The following FAM3C variants were observed in gnomAD, a reference collection of about 807,000 sequenced individuals.
The protein encoded by FAM3C is protein FAM3C.
FAM3C carries 15 observed loss-of-function variants against 32.5 expected under a neutral mutation model. That is an observed-to-expected ratio of 0.46 (90% CI 0.31 to 0.71). The LOEUF is 0.71. FAM3C is among the 30% of genes least tolerant of loss of function. The pLI is 0.05. For missense variants in FAM3C, 175 were observed against 274.4 expected (o/e 0.64, Z 2.56); for synonymous variants, 75 against 86.1 (o/e 0.87, Z 0.72).
chr7:121,365,407 T>A (rs1794005178), intron 5 of FAM3C, among the ~76,000 whole-genome samples: 1 of 152,258 alleles, frequency 6.6e-6, no homozygotes, highest in Non-Finnish European at 1.5e-5. Flanking sequence ...CTATCCACCA[T>A]ATAATAGATA....
In FAM3C at chr7:121,392,215, G is replaced by A. The variant is rs537261279; in HGVS notation, c.-42+3947C>T. On this transcript the variant is annotated intron_variant, in intron 1 of 9. Coordinates refer to ENST00000359943, the MANE Select transcript of FAM3C (RefSeq NM_014888.3). Reference sequence around the variant, plus strand: ...AATTTTGTGAAAACGTATTGTATTAGTCCGTTTTTGCACTGTTATAAAGAA... The same window carrying A: ...AATTTTGTGAAAACGTATTGTATTAATCCGTTTTTGCACTGTTATAAAGAA... 3.9e-5 allele frequency among the ~76,000 whole-genome samples: 6 copies of A among 152,250 alleles called. No homozygotes were observed. In the South Asian group the frequency reaches 1.2e-3, roughly 32 times the overall value.
intron 5 of FAM3C, among the ~76,000 whole-genome samples, chr7:121,367,869 G>A (rs947157086): frequency 5.3e-5 from 8 of 152,066 alleles, no homozygotes; most frequent in Non-Finnish European, 2.9e-5. Context: ...AGGAGGTGGA[G>A]GTGGGAAGAT....
intron 5 of FAM3C, among the ~76,000 whole-genome samples, chr7:121,368,001 G>GA (rs1056863991): frequency 5.2e-4 from 76 of 146,512 alleles, no homozygotes; most frequent in Middle Eastern, 3.4e-3. Flanking sequence ...AAAAGTAAAG[G>GA]AAAAAAAAAA....
intron 8 of FAM3C, among the ~76,000 whole-genome samples, chr7:121,356,025 T>A (rs945105440): frequency 1.4e-5 from 2 of 145,490 alleles, no homozygotes; most frequent in Admixed American, 1.3e-4. Flanking sequence ...AAGACCTGAT[T>A]TGACAGTGGT....
At chr7:121,374,267 A>G (rs567209664) in intron 3 of FAM3C, among the ~76,000 whole-genome samples, 1 of 152,320 alleles carries the variant, frequency 6.6e-6, no homozygotes, top group South Asian at 2.1e-4. Flanking sequence ...ATGGATTTGT[A>G]AAAAACAATA....
chr7:121,380,588 C>G (rs530071489), intron 2 of FAM3C, among the ~76,000 whole-genome samples: 1 of 151,854 alleles, frequency 6.6e-6, no homozygotes, highest in Admixed American at 6.6e-5. Context: ...CAAAAAACTA[C>G]CTATCAGGTA....
At position 121,349,038 on chromosome 7, in the gene FAM3C, CAA is replaced by C. The variant is rs1285474790; in HGVS notation, c.*1421_*1422del. The C allele has an allele frequency of 6.6e-6, 1 of 151,888 alleles. No individual in the cohort carries two copies. Among genetic ancestry groups the C allele is most frequent in the African/African-American group, 2.4e-5 (1 of 41,230 alleles). 9.4% of individuals were successfully genotyped at this position (151,888 alleles called of 1,614,324 possible). On this transcript the variant is annotated 3_prime_UTR_variant, in exon 10 of 10. Coordinates refer to ENST00000359943, the MANE Select transcript of FAM3C (RefSeq NM_014888.3). ...AAGCACCAAAAATCCCAAAAGTATACAAAGATTGTTTAAACATATAAGGTGCA... is the reference window on the plus strand; with the variant it reads ...AAGCACCAAAAATCCCAAAAGTATACAGATTGTTTAAACATATAAGGTGCA...
At chr7:121,380,953 C>T (rs1297445672) in intron 2 of FAM3C, among the ~76,000 whole-genome samples, 1 of 152,068 alleles carries the variant, frequency 6.6e-6, no homozygotes, top group Non-Finnish European at 1.5e-5. Context: ...GACCTGTTCA[C>T]TTACACTGAA....
chr7:121,367,088 TA>T (rs984271408), intron 5 of FAM3C, among the ~76,000 whole-genome samples: 2 of 152,040 alleles, frequency 1.3e-5, no homozygotes, highest in Non-Finnish European at 2.9e-5. Flanking sequence ...CTCTAACAAA[TA>T]AAAAATCCAC....
chr7:121,390,853 CGGGGGGGGGGGGGGGG>C (rs58750532), intron 1 of FAM3C, among the ~76,000 whole-genome samples: 2 of 7,438 alleles, frequency 2.7e-4, no homozygotes, highest in Non-Finnish European at 5.6e-4. Context: ...CTGTGTGGGG[CGGGGGGGGGGGGGGGG>C]GGGAAGGTAA....
chr7:121,370,346 CAA>C, intron 5 of FAM3C, among the ~76,000 whole-genome samples: 1 of 152,158 alleles, frequency 6.6e-6, no homozygotes, highest in African/African-American at 2.4e-5. Context: ...TAACTGCCTG[CAA>C]AAGAGGCTAG....
chr7:121,390,747 C>T (rs1794556882), intron 1 of FAM3C, among the ~76,000 whole-genome samples: 1 of 149,528 alleles, frequency 6.7e-6, no homozygotes, highest in South Asian at 2.1e-4. Context: ...GATTAAAGCT[C>T]TTGCATGTTT....
At chr7:121,353,194 G>A (rs1793742325) in intron 8 of FAM3C, among the ~76,000 whole-genome samples, 1 of 152,196 alleles carries the variant, frequency 6.6e-6, no homozygotes, top group African/African-American at 2.4e-5. Flanking sequence ...TCCAAACGCA[G>A]GTCCAGCTCC....
intron 1 of FAM3C, among the ~76,000 whole-genome samples, chr7:121,384,098 G>A (rs1202024161): frequency 6.6e-6 from 1 of 152,074 alleles, no homozygotes; most frequent in Non-Finnish European, 1.5e-5. Flanking sequence ...GGTTCTGGGG[G>A]GCGGGGGAGT....
chr7:121,350,696 ACCCTCAGG>A, intron 9 of FAM3C, 146 bp from the exon 10 acceptor site: 1 of 815,582 alleles, frequency 1.2e-6, no homozygotes, highest in Non-Finnish European at 1.9e-6. Context: ...TAAATGAGTG[ACCCTCAGG>A]CTGTATCACA....
At chr7:121,379,141 A>G (rs1269798671) in intron 2 of FAM3C, 127 bp from the exon 3 acceptor site, 3 of 564,198 alleles carry the variant, frequency 5.3e-6, no homozygotes, top group Middle Eastern at 6.7e-4. Flanking sequence ...TTAGATCTTA[A>G]TTTTACATGA....
intron 3 of FAM3C, among the ~76,000 whole-genome samples, chr7:121,376,122 T>C (rs908181885): frequency 6.6e-6 from 1 of 152,180 alleles, no homozygotes; most frequent in Non-Finnish European, 1.5e-5. Flanking sequence ...AGGCTGGCTA[T>C]CAGGTAGTAA....
At chr7:121,388,255 C>CACACAT (rs1283884046) in intron 1 of FAM3C, among the ~76,000 whole-genome samples, 1 of 151,546 alleles carries the variant, frequency 6.6e-6, no homozygotes, top group African/African-American at 2.4e-5. Flanking sequence ...CACACACACA[C>CACACAT]ACACACTCAC....
intron 1 of FAM3C, among the ~76,000 whole-genome samples, chr7:121,385,241 A>G (rs12706342): frequency 0.16 from 25,071 of 152,156 alleles, 2,170 homozygotes; most frequent in South Asian, 0.21. Context: ...TGAGTCACAG[A>G]AGGATATTTT....
Sources: gnomAD v4.1 joint callset for allele counts (sites outside exome capture counted in the v4.1 genomes callset) on GRCh38, gnomAD v4.1.1 for gene constraint, MANE v1.5 for transcripts, NCBI Gene and HGNC (gene_info 2026-07-23, HGNC 2026-07-21) for gene names.